SSBP4: variants seen among roughly 807,000 people sequenced by gnomAD.
SSBP4 encodes single-stranded DNA-binding protein 4.
SSBP4 carries 33 observed loss-of-function variants against 64.6 expected under a neutral mutation model. The ratio of observed to expected loss-of-function variants is 0.51; its 90% CI spans 0.39 to 0.68. SSBP4 has a LOEUF of 0.68. Among genes scored for constraint, SSBP4 ranks in the 30% least tolerant of loss-of-function variants. SSBP4 has a pLI of 0.00. For synonymous variants in SSBP4, 243 were observed against 224.0 expected (o/e 1.08, Z -0.76); for missense variants, 583 against 566.8 (o/e 1.03, Z -0.29).
At position 18,433,715 on chromosome 19, in the gene SSBP4, C is replaced by T; in HGVS notation, c.1026C>T (p.Ser342=). ...SGDMDGLPKS[S]PGAVAGLSNA... ...CCGACGGCGGCCGCCCCCAGAGTTCCCCCGGCGCCGTGGCCGGCCTGAGCA... is the reference window on the plus strand; with the variant it reads ...CCGACGGCGGCCGCCCCCAGAGTTCTCCCGGCGCCGTGGCCGGCCTGAGCA... The change falls in exon 17 of 18, where the codon TCC becomes TCT. Residue 342 remains serine (S), a synonymous_variant. Transcript: ENST00000270061. 2.8e-6 allele frequency: 4 copies of T among 1,428,878 alleles called. No individual in the cohort carries two copies. The highest frequency in any genetic ancestry group is 3.6e-6 in the Non-Finnish European group (4 of 1,102,854). The allele number at this position is 1,428,878 out of a possible 1,614,324, so 88.5% of individuals were successfully genotyped here. A position where few individuals can be genotyped will look rare whatever the true frequency, so the allele number is the denominator to read the frequency against.
intron 4 of SSBP4, among the ~76,000 whole-genome samples, chr19:18,429,559 G>A (rs1199268379): frequency 3.3e-5 from 5 of 151,942 alleles, no homozygotes; most frequent in East Asian, 1.9e-4. Flanking sequence ...CTGCGGGGTG[G>A]ACAGACACAG....
the SSBP4 span, among the ~76,000 whole-genome samples, chr19:18,411,627 T>C: frequency 6.6e-6 from 1 of 152,068 alleles, no homozygotes; most frequent in Non-Finnish European, 1.5e-5. Flanking sequence ...TGGTGTACAG[T>C]TGTAGAAAAG....
intron 1 of SSBP4, among the ~76,000 whole-genome samples, chr19:18,425,102 G>A (rs1972750970): frequency 6.7e-6 from 1 of 149,814 alleles, no homozygotes; most frequent in African/African-American, 2.5e-5. Context: ...AGGGGGCGGA[G>A]AGGGCGGGGT....
rs574905903 is a variant in SSBP4 at position 18,424,205 on chromosome 19, A to C, written c.60-3146A>C. Among the ~76,000 whole-genome samples the C allele has an allele frequency of 7.7e-4, 118 of 152,366 alleles. 2 individuals carry two copies. The highest frequency in any genetic ancestry group is 2.5e-3 in the African/African-American group (102 of 41,590). On this transcript the variant is annotated intron_variant, in intron 1 of 17. Transcript: ENST00000270061. ...AAACTCCCAAATCCTCAGTATGGACAGAATAGCTGCTGACCTTCATCAGTA... is the reference window on the plus strand; with the variant it reads ...AAACTCCCAAATCCTCAGTATGGACCGAATAGCTGCTGACCTTCATCAGTA...
upstream of SSBP4, among the ~76,000 whole-genome samples, chr19:18,418,459 G>T (rs1972218828): frequency 6.6e-6 from 1 of 152,150 alleles, no homozygotes; most frequent in African/African-American, 2.4e-5. The surrounding 1 kb of genome is among the most constrained non-coding windows in gnomAD (Gnocchi z 6.7). Context: ...AGGGGAAAAG[G>T]GCACCCACTG....
chr19:18,433,271 C>G, intron 15 of SSBP4, 58 bp downstream of exon 15: 1 of 1,522,800 alleles, frequency 6.6e-7, no homozygotes, highest in Non-Finnish European at 8.8e-7. Flanking sequence ...CGCTCCCTGG[C>G]TGCTTCCCCC....
chr19:18,411,099 A>AC, the SSBP4 span, among the ~76,000 whole-genome samples: 1 of 151,552 alleles, frequency 6.6e-6, no homozygotes, highest in Non-Finnish European at 1.5e-5. Context: ...GCATAGTGAG[A>AC]CCCCCTTCTC....
At chr19:18,428,005 C>G in intron 4 of SSBP4, 23 bp downstream of exon 4, 1 of 1,597,686 alleles carries the variant, frequency 6.3e-7, no homozygotes, top group South Asian at 1.1e-5. Flanking sequence ...CCCAGGGACT[C>G]AGGGGCTCCA....
chr19:18,422,865 T>C (rs1306572587), intron 1 of SSBP4, among the ~76,000 whole-genome samples: 3 of 152,256 alleles, frequency 2.0e-5, no homozygotes, highest in Non-Finnish European at 4.4e-5. Flanking sequence ...CTTCCTGCAA[T>C]GAGCCTCATG....
chr19:18,404,196 C>A, the SSBP4 span, among the ~76,000 whole-genome samples: 710 of 151,886 alleles, frequency 4.7e-3, 8 homozygotes, highest in African/African-American at 0.017. Context: ...CATTTAGAGA[C>A]CTTCAGAGAC....
At chr19:18,415,627 C>T (rs1262215880), upstream of SSBP4, among the ~76,000 whole-genome samples, 1 of 152,082 alleles carries the variant, frequency 6.6e-6, no homozygotes. Flanking sequence ...GAGTTGGCCT[C>T]CTCCCCCAGG....
In SSBP4 at chr19:18,433,609, C is replaced by T. The variant is rs1600371505; in HGVS notation, c.1016C>T (p.Pro339Leu). ...GGCTCGGGCGACATGGACGGGTTGC[C>T]GAAGGTAAGGAGGCTGCGCTCTTGC... ...SLGSGDMDGL[P>L]KSSPGAVAGL... Residue 339 changes from proline to leucine, a missense_variant, in exon 16 of 18, where the codon CCG (proline) becomes CTG (leucine). Physicochemically the swap from Pro to Leu is moderately conservative, Grantham distance 98 (BLOSUM62 -3). Coordinates refer to ENST00000270061, the MANE Select transcript of SSBP4 (RefSeq NM_032627.5). 1 of 1,495,630 alleles carries T rather than the reference C, an allele frequency of 6.7e-7. No homozygotes were observed. Among genetic ancestry groups the T allele is most frequent in the Non-Finnish European group, 8.9e-7 (1 of 1,124,876 alleles). 92.6% of individuals were successfully genotyped at this position (1,495,630 alleles called of 1,614,324 possible).
At position 18,431,417 on chromosome 19, in the gene SSBP4, A is replaced by G; in HGVS notation, c.434A>G (p.Gln145Arg). 6.7e-7 allele frequency: 1 copy of G among 1,499,840 alleles called. No individual in the cohort carries two copies. The highest frequency in any genetic ancestry group is 9.0e-7 in the Non-Finnish European group (1 of 1,112,778). 92.9% of individuals were successfully genotyped at this position (1,499,840 alleles called of 1,614,324 possible). A position where few individuals can be genotyped will look rare whatever the true frequency, so the allele number is the denominator to read the frequency against. Residue 145 changes from glutamine (Q) to arginine (R), a missense_variant and splice_region_variant, in exon 6 of 18, where the codon CAG becomes CGG. Around this residue, in one of 5 missense-constraint regions of SSBP4, gnomAD observed 444 missense variants for 386.6 expected, o/e 1.15. Transcript: ENST00000270061. Reference sequence around the variant, plus strand: ...GCCCCCATGATGGGGCCTCACGGTCAGGTAAGGAGCTGTGGTGCCTGCCCC... The same window carrying G: ...GCCCCCATGATGGGGCCTCACGGTCGGGTAAGGAGCTGTGGTGCCTGCCCC... ...PNAPMMGPHGQPFMSPRFPGG... is the reference protein window; with the variant it reads ...PNAPMMGPHGRPFMSPRFPGG...
At position 18,426,319 on chromosome 19, in the gene SSBP4, T is replaced by G. The variant is rs942032738; in HGVS notation, c.60-1032T>G. The stretch of plus-strand genomic sequence containing the variant: ...TGGAAGGGCCCCCAGGCCTGCCTGC[T>G]TCTCGCCTCTAGGGCTCAGCCTCAG... On this transcript the variant is annotated intron_variant, in intron 1 of 17. Transcript: ENST00000270061. This position sits in a 1 kb window ranked among gnomAD's most constrained non-coding sequence, Gnocchi z 4.5. Among the ~76,000 whole-genome samples the G allele has an allele frequency of 6.6e-6, 1 of 152,190 alleles. No individual in the cohort carries two copies. Among genetic ancestry groups the G allele is most frequent in the African/African-American group, 2.4e-5 (1 of 41,450 alleles).
At position 18,431,414 on chromosome 19, in the gene SSBP4, G is replaced by T; in HGVS notation, c.431G>T (p.Gly144Val). Residue 144 changes from glycine to valine, a missense_variant, in exon 6 of 18, where the codon GGT (glycine) becomes GTT (valine). By Grantham distance (109) the Gly-to-Val change is moderately radical. Transcript: ENST00000270061. Reference protein sequence around the residue: ...NPNAPMMGPHGQPFMSPRFPG... With the variant: ...NPNAPMMGPHVQPFMSPRFPG... ...AACGCCCCCATGATGGGGCCTCACGGTCAGGTAAGGAGCTGTGGTGCCTGC... is the reference window on the plus strand; with the variant it reads ...AACGCCCCCATGATGGGGCCTCACGTTCAGGTAAGGAGCTGTGGTGCCTGC... The T allele has an allele frequency of 6.6e-7, 1 of 1,512,720 alleles. No homozygotes were observed. The allele number at this position is 1,512,720 out of a possible 1,614,324, so 93.7% of individuals were successfully genotyped here.
upstream of SSBP4, among the ~76,000 whole-genome samples, chr19:18,415,547 G>A (rs563176521): frequency 6.6e-6 from 1 of 152,250 alleles, no homozygotes; most frequent in South Asian, 2.1e-4. Flanking sequence ...ACAGTCTTGC[G>A]GGGGCAGTGC....
At chr19:18,428,035 C>T in intron 4 of SSBP4, 53 bp downstream of exon 4, 1 of 1,553,154 alleles carries the variant, frequency 6.4e-7, no homozygotes, top group East Asian at 2.3e-5. Context: ...GTGTGCTGGG[C>T]CTGTGGCTGG....
In SSBP4 at chr19:18,434,527, C is replaced by A; in HGVS notation, c.*281C>A. 1.7e-6 allele frequency: 1 copy of A among 584,480 alleles called. No individual in the cohort carries two copies. Among genetic ancestry groups the A allele is most frequent in the Non-Finnish European group, 2.8e-6 (1 of 353,838 alleles). 36.2% of individuals were successfully genotyped at this position (584,480 alleles called of 1,614,324 possible). On this transcript the variant is annotated 3_prime_UTR_variant, in exon 18 of 18. Transcript: ENST00000270061. ...TCCCCAGGACGTCAGGGGGTGGGGC[C>A]CATAAATAAATGGAAGCTGGTTTTG...
chr19:18,412,332 G>A, the SSBP4 span, among the ~76,000 whole-genome samples: 2 of 150,408 alleles, frequency 1.3e-5, no homozygotes, highest in African/African-American at 4.9e-5. Flanking sequence ...GTGGTGGCAG[G>A]CGCCTGTAAT....
Sources: allele counts gnomAD v4.1 joint callset (sites outside exome capture counted in the v4.1 genomes callset), GRCh38; gene constraint gnomAD v4.1.1; regional missense constraint gnomAD v4.1.1; non-coding constraint Gnocchi (gnomAD v3.1); transcripts MANE v1.5; gene names NCBI Gene and HGNC (gene_info 2026-07-23, HGNC 2026-07-21).